Variants in NR3C2 observed in about 807,000 individuals in gnomAD.
NR3C2 encodes the protein nuclear receptor subfamily 3 group C member 2, also known as mineralocorticoid receptor.
NR3C2 carries 15 observed loss-of-function variants against 86.4 expected under a neutral mutation model. The observed-to-expected ratio is 0.17, with a 90% CI of 0.12 to 0.27. The LOEUF is 0.27. Ranked by LOEUF, NR3C2 falls within the 10% of genes least tolerant of loss-of-function variation. NR3C2 has a pLI of 1.00. For synonymous variants in NR3C2, 458 were observed against 450.5 expected (o/e 1.02, Z -0.21); for missense variants, 960 against 1,195.6 (o/e 0.80, Z 2.91).
chr4:148,413,521 A>G (rs1481190983), intron 2 of NR3C2, among the ~76,000 whole-genome samples: 1 of 152,000 alleles, frequency 6.6e-6, no homozygotes, highest in African/African-American at 2.4e-5. Context: ...CATCTGTATG[A>G]AAAAGAACAT....
At chr4:148,332,345 T>A (rs1002515910) in intron 2 of NR3C2, among the ~76,000 whole-genome samples, 18 of 152,194 alleles carry the variant, frequency 1.2e-4, no homozygotes, top group Non-Finnish European at 2.9e-5. Flanking sequence ...ATGGATTCAA[T>A]CTTTTAGGAG....
intron 2 of NR3C2, among the ~76,000 whole-genome samples, chr4:148,405,249 A>G (rs994815843): frequency 1.3e-5 from 2 of 152,240 alleles, no homozygotes; most frequent in African/African-American, 4.8e-5. Flanking sequence ...CATTGGACAT[A>G]GCCATAACCC....
At chr4:148,318,814 C>T (rs1362464000) in intron 2 of NR3C2, among the ~76,000 whole-genome samples, 4 of 152,012 alleles carry the variant, frequency 2.6e-5, no homozygotes, top group Non-Finnish European at 4.4e-5. Context: ...AATTTTCTCC[C>T]ATTTTGTAGG....
intron 6 of NR3C2, among the ~76,000 whole-genome samples, chr4:148,124,561 T>C (rs537515611): frequency 2.6e-5 from 4 of 152,332 alleles, no homozygotes; most frequent in African/African-American, 9.6e-5. Context: ...TGTACTGAGG[T>C]GCAGACTGAT....
intron 2 of NR3C2, among the ~76,000 whole-genome samples, chr4:148,264,820 G>T (rs1004787571): frequency 6.6e-6 from 1 of 152,062 alleles, no homozygotes; most frequent in Non-Finnish European, 1.5e-5. Flanking sequence ...GTTTGATCTG[G>T]ATCAAACATA....
At chr4:148,347,369 C>G (rs188761569) in intron 2 of NR3C2, among the ~76,000 whole-genome samples, 79 of 152,040 alleles carry the variant, frequency 5.2e-4, no homozygotes, top group Admixed American at 1.1e-3. Flanking sequence ...GATACCATGT[C>G]TGAAAACAAA....
rs777281232 is a variant in NR3C2, at chr4:148,436,608, T to C, written c.253A>G (p.Thr85Ala). 6.2e-7 allele frequency: 1 copy of C among 1,614,210 alleles called. No individual in the cohort carries two copies. The highest frequency in any genetic ancestry group is 2.2e-5 in the East Asian group (1 of 44,878). Residue 85 changes from threonine (T) to alanine (A), a missense_variant, in exon 2 of 9, where the codon ACA becomes GCA. By Grantham distance (58) the Thr-to-Ala change is moderately conservative. Around this residue, in one of 4 missense-constraint regions of NR3C2, gnomAD observed 680 missense variants for 719.0 expected, o/e 0.95. Coordinates refer to ENST00000358102, the MANE Select transcript of NR3C2 (RefSeq NM_000901.5). The part of the protein sequence containing the change: ...QQDNNRPGIL[T>A]SDIKTELESK... ...TCCAGCTCAGTTTTAATATCAGATG[T>C]TAAAATCCCAGGCCGATTATTGTCT...
At chr4:148,364,304 C>G (rs912678533) in intron 2 of NR3C2, among the ~76,000 whole-genome samples, 12 of 152,162 alleles carry the variant, frequency 7.9e-5, no homozygotes, top group Non-Finnish European at 1.8e-4. Context: ...CATGCTTTGC[C>G]TGACTGACAC....
At chr4:148,288,743 G>A (rs1387261832) in intron 2 of NR3C2, among the ~76,000 whole-genome samples, 1 of 152,106 alleles carries the variant, frequency 6.6e-6, no homozygotes, top group African/African-American at 2.4e-5. Flanking sequence ...ATTCAGCCAG[G>A]AAGGTGGCTG....
chr4:148,445,118 C>A (rs1410284969), upstream of NR3C2, among the ~76,000 whole-genome samples: 1 of 151,948 alleles, frequency 6.6e-6, no homozygotes, highest in Non-Finnish European at 1.5e-5. Context: ...CCACTGACAA[C>A]CTGGAGGCCA....
chr4:148,202,035 G>A (rs1336585081), intron 3 of NR3C2, among the ~76,000 whole-genome samples: 1 of 152,206 alleles, frequency 6.6e-6, no homozygotes, highest in African/African-American at 2.4e-5. Flanking sequence ...AGCAGGAGGT[G>A]CTTCAATTAC....
chr4:148,312,432 G>C (rs967477681), intron 2 of NR3C2, among the ~76,000 whole-genome samples: 1 of 152,148 alleles, frequency 6.6e-6, no homozygotes, highest in Non-Finnish European at 1.5e-5. Context: ...CTAAAAATCA[G>C]GGCCTTTCTT....
At chr4:148,297,158 T>C (rs1742093570) in intron 2 of NR3C2, among the ~76,000 whole-genome samples, 1 of 152,120 alleles carries the variant, frequency 6.6e-6, no homozygotes, top group African/African-American at 2.4e-5. Flanking sequence ...AAAAAACATA[T>C]GTAAGTGAAT....
intron 2 of NR3C2, among the ~76,000 whole-genome samples, chr4:148,287,420 C>T (rs1041438552): frequency 6.6e-6 from 1 of 152,138 alleles, no homozygotes; most frequent in African/African-American, 2.4e-5. Flanking sequence ...CTGCCTTGCC[C>T]ATGGCTTTTA....
intron 3 of NR3C2, among the ~76,000 whole-genome samples, chr4:148,250,878 CT>C (rs772768777): frequency 4.6e-5 from 7 of 152,110 alleles, no homozygotes; most frequent in Non-Finnish European, 7.4e-5. Flanking sequence ...CCAATTCCTC[CT>C]TTTTCACAGA....
intron 2 of NR3C2, among the ~76,000 whole-genome samples, chr4:148,414,444 G>T (rs56798471): frequency 6.6e-6 from 1 of 152,032 alleles, no homozygotes; most frequent in Non-Finnish European, 1.5e-5. Context: ...TTTTGCTTTT[G>T]TTAATTAATT....
At chr4:148,443,368 C>G (rs1162776694), upstream of NR3C2, among the ~76,000 whole-genome samples, 1 of 144,554 alleles carries the variant, frequency 6.9e-6, no homozygotes, top group African/African-American at 2.5e-5. Context: ...TCCACTAGTT[C>G]AATTTGAAAG....
chr4:148,109,047 G>A lies in NR3C2; in HGVS notation c.2799+5057C>T, dbSNP rs572964073. Among the ~76,000 whole-genome samples, 23 of 152,256 alleles carry A rather than the reference G, an allele frequency of 1.5e-4. No homozygotes were observed. The East Asian group carries it at 1.7e-3, about 12-fold the overall frequency. On this transcript the variant is annotated intron_variant, in intron 8 of 8. Coordinates refer to ENST00000358102, the MANE Select transcript of NR3C2 (RefSeq NM_000901.5). The stretch of plus-strand genomic sequence containing the variant: ...AGTGTTCTCTCCTCATAATGGCAGC[G>A]TCCGGAGCACTCAGCAGTGAGTCAA...
At chr4:148,127,026 A>G (rs1232845858) in intron 6 of NR3C2, among the ~76,000 whole-genome samples, 2 of 152,114 alleles carry the variant, frequency 1.3e-5, no homozygotes, top group South Asian at 2.1e-4. Context: ...GTGTTTTGTT[A>G]TTACAGTCAC....
Sources: gnomAD v4.1 joint callset for allele counts (sites outside exome capture counted in the v4.1 genomes callset) on GRCh38, gnomAD v4.1.1 for gene constraint, gnomAD v4.1.1 regional missense constraint, MANE v1.5 for transcripts, NCBI Gene and HGNC (gene_info 2026-07-23, HGNC 2026-07-21) for gene names.